Variants in PSG9 observed in about 807,000 individuals in gnomAD.
PSG9 encodes the protein pregnancy specific beta-1-glycoprotein 9.
PSG9 carries 49 observed loss-of-function variants against 41.9 expected under a neutral mutation model. The observed-to-expected ratio is 1.17, with a 90% CI of 0.93 to 1.48. The LOEUF (loss-of-function observed/expected upper bound fraction) is 1.48, where lower values mean the gene tolerates loss of function less well. Among genes scored for constraint, PSG9 ranks in the 40% most tolerant of loss-of-function variants. The probability of loss-of-function intolerance (pLI) is 0.00; values close to 1 mark genes in which losing one functional copy is unlikely to be tolerated. For synonymous variants in PSG9, 263 were observed against 196.8 expected (o/e 1.34, Z -2.82); for missense variants, 641 against 520.3 (o/e 1.23, Z -2.26).
Position 43,269,447 on chromosome 19 carries a change from T to C in PSG9, c.-16A>G, listed in dbSNP as rs1058071. On this transcript the variant is annotated 5_prime_UTR_variant, in exon 1 of 6. Transcript: ENST00000270077. ...GGGGCCCCATGGTCTCTGCTGCCTG[T>C]GTGTTCTCCTCTGTGGAGATGAGCC... 692,716 of 1,612,210 alleles carry C rather than the reference T, an allele frequency of 0.43. 166,033 individuals carry two copies. Among genetic ancestry groups the C allele is most frequent in the East Asian group, 0.97 (43,273 of 44,774 alleles).
intron 5 of PSG9, among the ~76,000 whole-genome samples, chr19:43,254,706 G>T (rs574677880): frequency 6.9e-6 from 1 of 145,720 alleles, no homozygotes; most frequent in Non-Finnish European, 1.5e-5. Flanking sequence ...ACCAAAAGTT[G>T]ATTCTTCAAA....
chr19:43,255,992 G>T (rs1968431809), intron 5 of PSG9, among the ~76,000 whole-genome samples: 1 of 146,286 alleles, frequency 6.8e-6, no homozygotes, highest in African/African-American at 2.6e-5. Flanking sequence ...TGCAGAAAAA[G>T]AAAAATCTGT....
intron 2 of PSG9, among the ~76,000 whole-genome samples, chr19:43,262,436 C>G (rs1422027260): frequency 6.6e-6 from 1 of 152,158 alleles, no homozygotes; most frequent in Non-Finnish European, 1.5e-5. Context: ...TTGAGTCCCT[C>G]CGTCTCCAAC....
At chr19:43,267,365 G>A (rs1357805717) in intron 2 of PSG9, among the ~76,000 whole-genome samples, 2 of 152,116 alleles carry the variant, frequency 1.3e-5, no homozygotes, top group African/African-American at 2.4e-5. Context: ...CAGCTTAACT[G>A]GAGCAAGGAT....
At chr19:43,264,214 C>T (rs1441510402) in intron 2 of PSG9, among the ~76,000 whole-genome samples, 1 of 152,020 alleles carries the variant, frequency 6.6e-6, no homozygotes. Context: ...ACCAGTATTC[C>T]CATTATGTGT....
intron 2 of PSG9, among the ~76,000 whole-genome samples, chr19:43,267,145 G>A (rs900739553): frequency 1.3e-5 from 2 of 152,170 alleles, no homozygotes; most frequent in African/African-American, 4.8e-5. Context: ...TCCCAAGGCA[G>A]TTGGCTGATG....
chr19:43,265,832 G>A (rs181022195), intron 2 of PSG9, among the ~76,000 whole-genome samples: 66 of 152,228 alleles, frequency 4.3e-4, no homozygotes, highest in Non-Finnish European at 8.1e-4. Context: ...AAGAGCCATG[G>A]ATGGGAATAC....
intron 2 of PSG9, among the ~76,000 whole-genome samples, chr19:43,263,024 T>C (rs1024751759): frequency 2.0e-4 from 31 of 152,164 alleles, no homozygotes; most frequent in African/African-American, 7.5e-4. Flanking sequence ...TCAAGGACCA[T>C]ATGCGTTTGG....
Position 43,259,325 on chromosome 19 carries a change from T to C in PSG9, c.710-190A>G, listed in dbSNP as rs4028430. On this transcript the variant is annotated intron_variant, in intron 3 of 5. Transcript: ENST00000270077. ...TCAAAGACTGTGAGGCCGCCTGCTCTGTCTTAGGGAAGCACAGACTTTCTC... is the reference window on the plus strand; with the variant it reads ...TCAAAGACTGTGAGGCCGCCTGCTCCGTCTTAGGGAAGCACAGACTTTCTC... 5 of 1,129,224 alleles carry C rather than the reference T, an allele frequency of 4.4e-6. 1 individual carries two copies. The highest frequency in any genetic ancestry group is 6.0e-6 in the Non-Finnish European group (5 of 834,252). The allele number at this position is 1,129,224 out of a possible 1,614,324, so 70.0% of individuals were successfully genotyped here. A position where few individuals can be genotyped will look rare whatever the true frequency, so the allele number is the denominator to read the frequency against.
At position 43,258,377 on chromosome 19, in the gene PSG9, C is replaced by A. The variant is rs184658916; in HGVS notation, c.1068G>T (p.Thr356=). The A allele has an allele frequency of 1.3e-6, 2 of 1,592,692 alleles. No individual in the cohort carries two copies. The highest frequency in any genetic ancestry group is 1.7e-5 in the Admixed American group (1 of 58,644). Residue 356 remains threonine (T), a synonymous_variant, in exon 5 of 6, where the codon ACG becomes ACT. Coordinates refer to ENST00000270077, the MANE Select transcript of PSG9 (RefSeq NM_002784.5). ...SGENLDLSCF[T]ESNPPAEYFW... is the part of the protein sequence containing the mutation. ...AATACTCTGCCGGTGGGTTAGATTC[C>A]GTGAAGCAGGACAAGTCGAGGTTTT...
At chr19:43,268,429 T>A (rs1229963779) in intron 1 of PSG9, among the ~76,000 whole-genome samples, 1 of 151,938 alleles carries the variant, frequency 6.6e-6, no homozygotes, top group Non-Finnish European at 1.5e-5. Context: ...TCCCCAGGGG[T>A]CCACACGGCC....
rs1207673704 is a variant in PSG9, at chr19:43,259,031, T to C, written c.814A>G (p.Ile272Val). The stretch of plus-strand genomic sequence containing the variant: ...AGGCTCTGACCGTTTAGCCACCAAA[T>C]GTAGGTGTAGTTCTCACTCTTAGGT... ...CEPKSENYTYIWWLNGQSLPV... is the reference protein window; with the variant it reads ...CEPKSENYTYVWWLNGQSLPV... The change falls in exon 4 of 6, where the codon ATT becomes GTT. Residue 272 changes from isoleucine (I) to valine (V), a missense_variant. By Grantham distance (29) the Ile-to-Val change is conservative. Coordinates refer to ENST00000270077, the MANE Select transcript of PSG9 (RefSeq NM_002784.5). 5 of 1,590,750 alleles carry C rather than the reference T, an allele frequency of 3.1e-6. No homozygotes were observed. Among genetic ancestry groups the C allele is most frequent in the Non-Finnish European group, 4.3e-6 (5 of 1,174,476 alleles).
chr19:43,257,546 G>A lies in PSG9; in HGVS notation c.1243+656C>T, dbSNP rs557804668. 816 of 981,078 alleles carry A rather than the reference G, an allele frequency of 8.3e-4. 81 individuals carry two copies. The South Asian group carries it at 0.035, about 42-fold the overall frequency. The allele number at this position is 981,078 out of a possible 1,614,324, so 60.8% of individuals were successfully genotyped here. A position where few individuals can be genotyped will look rare whatever the true frequency, so the allele number is the denominator to read the frequency against. On this transcript the variant is annotated intron_variant, in intron 5 of 5. Transcript: ENST00000270077. ...GAGCCAGGACGCAGCTCAGGAGTCT[G>A]CCCTGAGGCTCCCTCTCTTCTTATT... is the stretch of plus-strand genomic sequence containing the variant.
In PSG9 at chr19:43,262,037, A is replaced by G; in HGVS notation, c.532T>C (p.Tyr178His). 6.2e-7 allele frequency: 1 copy of G among 1,614,040 alleles called. No individual in the cohort carries two copies. Among genetic ancestry groups the G allele is most frequent in the Non-Finnish European group, 8.5e-7 (1 of 1,179,930 alleles). The change falls in exon 3 of 6, where the codon TAC becomes CAC. Residue 178 changes from tyrosine (Y) to histidine (H), a missense_variant. By Grantham distance (83) the Tyr-to-His change is moderately conservative. Transcript: ENST00000270077. ...CTCTGACCATTCATCCACCATAGGT[A>G]GCTTGCGTCCAGAGTCTCAGGATCA... ...ICDPETLDAS[Y>H]LWWMNGQSLP...
rs200391666 is a variant in PSG9 at position 43,258,418 on chromosome 19, A to G, written c.1027T>C (p.Tyr343His). ...TCGAGGTTTTCTCCTGAACGGTAAT[A>G]GGTGAATGAAGGGTAAATTCTGGGG... ...DLPRIYPSFT[Y>H]YRSGENLDLS... The change falls in exon 5 of 6, where the codon TAT becomes CAT. Residue 343 changes from tyrosine (Y) to histidine (H), a missense_variant. Tyr to His is a moderately conservative substitution (Grantham distance 83). Transcript: ENST00000270077. 1.5e-5 allele frequency: 24 copies of G among 1,586,672 alleles called. 1 individual carries two copies. Among genetic ancestry groups the G allele is most frequent in the South Asian group, 4.5e-5 (4 of 88,938 alleles).
At chr19:43,262,274 A>G in intron 2 of PSG9, 136 bp from the exon 3 acceptor site, 2 of 1,482,516 alleles carry the variant, frequency 1.3e-6, no homozygotes, top group Non-Finnish European at 1.8e-6. Context: ...TGTGTGTGTT[A>G]CAAGACAGAT....
At chr19:43,262,685 G>C (rs1348405940) in intron 2 of PSG9, among the ~76,000 whole-genome samples, 1 of 152,158 alleles carries the variant, frequency 6.6e-6, no homozygotes, top group Non-Finnish European at 1.5e-5. Flanking sequence ...GTCAAGCCGG[G>C]AGGTCAGTTA....
chr19:43,263,204 T>G (rs549273401), intron 2 of PSG9, among the ~76,000 whole-genome samples: 27 of 152,086 alleles, frequency 1.8e-4, no homozygotes, highest in Non-Finnish European at 2.8e-4. Context: ...GGGAATAGGG[T>G]GTTGTTCCGT....
intron 2 of PSG9, among the ~76,000 whole-genome samples, chr19:43,263,479 G>A (rs1270374232): frequency 6.6e-6 from 1 of 151,894 alleles, no homozygotes; most frequent in Non-Finnish European, 1.5e-5. Context: ...TGACTTTTGA[G>A]CATTTCAGAT....
Sources: allele counts gnomAD v4.1 joint callset (sites outside exome capture counted in the v4.1 genomes callset), GRCh38; gene constraint gnomAD v4.1.1; transcripts MANE v1.5; gene names NCBI Gene and HGNC (gene_info 2026-07-23, HGNC 2026-07-21).